ATP9B: variants seen among roughly 807,000 people sequenced by gnomAD.
ATP9B encodes probable phospholipid-transporting ATPase IIB.
In ATP9B, 110 loss-of-function variants were observed where a neutral mutation model predicts 146.1. That is an observed-to-expected ratio of 0.75 (90% CI 0.65 to 0.88). ATP9B has a LOEUF of 0.88. Among genes scored for constraint, ATP9B ranks in the 40% least tolerant of loss-of-function variants. The pLI is 0.00. For missense variants in ATP9B, 1,499 were observed against 1,496.4 expected, an observed-to-expected ratio of 1.00 and a Z score of -0.03; for synonymous variants, 604 against 569.7, an observed-to-expected ratio of 1.06 and a Z score of -0.86.
At chr18:79,258,848 C>T (rs1354085829) in intron 12 of ATP9B, among the ~76,000 whole-genome samples, 3 of 152,124 alleles carry the variant, frequency 2.0e-5, no homozygotes, top group African/African-American at 7.2e-5. Flanking sequence ...GGATGAGAAC[C>T]GTTGATGTCA....
At chr18:79,250,804 C>T (rs371853807) in intron 11 of ATP9B, among the ~76,000 whole-genome samples, 5 of 152,146 alleles carry the variant, frequency 3.3e-5, no homozygotes, top group Admixed American at 6.5e-5. Flanking sequence ...CCCTTTCCGA[C>T]CATTTGTGAT....
chr18:79,185,008 C>G (rs377567428), intron 8 of ATP9B, among the ~76,000 whole-genome samples: 4 of 151,556 alleles, frequency 2.6e-5, no homozygotes, highest in Admixed American at 2.6e-4. Flanking sequence ...AAAAATCCAG[C>G]CAAGCAAGGA....
chr18:79,113,412 A>T, intron 4 of ATP9B, 58 bp downstream of exon 4: 1 of 1,104,920 alleles, frequency 9.1e-7, no homozygotes, highest in South Asian at 1.4e-5. Flanking sequence ...TATAGTTTTA[A>T]GAGTTGAGAT....
In ATP9B at chr18:79,312,637, G is replaced by T. The variant is rs559718991; in HGVS notation, c.1773+5403G>T. 2.6e-5 allele frequency among the ~76,000 whole-genome samples: 4 copies of T among 152,364 alleles called. No homozygotes were observed. In the South Asian group the frequency reaches 8.3e-4, roughly 32 times the overall value. On this transcript the variant is annotated intron_variant, in intron 15 of 29. Coordinates refer to ENST00000426216, the MANE Select transcript of ATP9B (RefSeq NM_198531.5). Reference sequence around the variant, plus strand: ...GTCGCCTGCTGAGCGAACCTTGGCTGTGTGGGAAGATGGTGCGGGGAGCTA... The same window carrying T: ...GTCGCCTGCTGAGCGAACCTTGGCTTTGTGGGAAGATGGTGCGGGGAGCTA...
chr18:79,115,399 T>G (rs1386354003), intron 4 of ATP9B: 2 of 137,604 alleles, frequency 1.5e-5, no homozygotes. Flanking sequence ...ATGACTTTCT[T>G]CACAGAATTG....
At chr18:79,359,279 C>G in intron 25 of ATP9B, 75 bp from the exon 26 acceptor site, 1 of 1,161,378 alleles carries the variant, frequency 8.6e-7, no homozygotes, top group Non-Finnish European at 1.3e-6. Flanking sequence ...GCTGTGACCT[C>G]TAATCCAGAG....
intron 21 of ATP9B, among the ~76,000 whole-genome samples, chr18:79,344,676 A>G (rs752897575): frequency 1.6e-4 from 25 of 152,360 alleles, no homozygotes; most frequent in South Asian, 6.2e-4. Flanking sequence ...GAGCTGGATC[A>G]CAGCGATTGT....
At chr18:79,206,061 C>T (rs1032796481) in intron 9 of ATP9B, among the ~76,000 whole-genome samples, 2 of 152,032 alleles carry the variant, frequency 1.3e-5, no homozygotes, top group African/African-American at 4.8e-5. Flanking sequence ...CTGCCTCAGC[C>T]TCCCAAGCAG....
At chr18:79,195,709 C>G (rs572995332) in intron 9 of ATP9B, among the ~76,000 whole-genome samples, 6 of 152,284 alleles carry the variant, frequency 3.9e-5, no homozygotes, top group East Asian at 3.9e-4. Context: ...CAGGAGAACA[C>G]TGAACGTGAG....
intron 5 of ATP9B, among the ~76,000 whole-genome samples, chr18:79,141,596 T>A (rs2094515156): frequency 6.6e-6 from 1 of 152,236 alleles, no homozygotes; most frequent in African/African-American, 2.4e-5. Flanking sequence ...AGTGCAACTC[T>A]GAGATTATTA....
At chr18:79,236,095 A>G (rs2095838957) in intron 11 of ATP9B, among the ~76,000 whole-genome samples, 2 of 151,970 alleles carry the variant, frequency 1.3e-5, no homozygotes, top group Admixed American at 6.6e-5. Context: ...ACTGGTTTTT[A>G]CTCTTCCCAG....
intron 6 of ATP9B, chr18:79,145,179 C>T (rs573008335): frequency 2.3e-4 from 26 of 111,106 alleles, no homozygotes; most frequent in Admixed American, 1.2e-3. Context: ...TCGGAGCTGG[C>T]GGTGTGCAGA....
At chr18:79,243,352 T>C (rs2095908182) in intron 11 of ATP9B, among the ~76,000 whole-genome samples, 1 of 152,226 alleles carries the variant, frequency 6.6e-6, no homozygotes, top group Admixed American at 6.5e-5. Flanking sequence ...ATACTGATTG[T>C]AGTTCTGATC....
At chr18:79,314,966 CT>C (rs1341533385) in intron 15 of ATP9B, among the ~76,000 whole-genome samples, 1 of 152,226 alleles carries the variant, frequency 6.6e-6, no homozygotes, top group African/African-American at 2.4e-5. Flanking sequence ...CCGCCGGCTT[CT>C]TTTGGTCCAG....
At chr18:79,317,810 TC>T (rs1206231292) in intron 15 of ATP9B, among the ~76,000 whole-genome samples, 12 of 152,302 alleles carry the variant, frequency 7.9e-5, no homozygotes, top group African/African-American at 2.4e-4. Context: ...CACACAGGGC[TC>T]CTTGCAGAAA....
At chr18:79,342,719 G>T in intron 20 of ATP9B, among the ~76,000 whole-genome samples, 1 of 151,854 alleles carries the variant, frequency 6.6e-6, no homozygotes. Context: ...AGTATTTTTT[G>T]CTTATACTAT....
intron 26 of ATP9B, among the ~76,000 whole-genome samples, chr18:79,371,789 G>C (rs1031339334): frequency 6.6e-6 from 1 of 152,220 alleles, no homozygotes; most frequent in African/African-American, 2.4e-5. Flanking sequence ...TCTTTCCTCT[G>C]TGGCTCTTTA....
rs1307268089 is a variant in ATP9B, at chr18:79,122,052, G to T, written c.559-4215G>T. 2.0e-5 allele frequency among the ~76,000 whole-genome samples: 3 copies of T among 152,134 alleles called. No individual in the cohort carries two copies. The East Asian group carries it at 5.8e-4, about 29-fold the overall frequency. On this transcript the variant is annotated intron_variant, in intron 4 of 29. Coordinates refer to ENST00000426216, the MANE Select transcript of ATP9B (RefSeq NM_198531.5). ...GTCACCTGGAGAGTTTAACATATGTGTCTGAGGTCTCTTCCCTGGAAATTA... is the reference window on the plus strand; with the variant it reads ...GTCACCTGGAGAGTTTAACATATGTTTCTGAGGTCTCTTCCCTGGAAATTA...
intron 11 of ATP9B, among the ~76,000 whole-genome samples, chr18:79,215,069 A>G (rs2095614908): frequency 6.7e-6 from 1 of 148,572 alleles, no homozygotes; most frequent in African/African-American, 2.5e-5. Context: ...GATAGCTCAA[A>G]CCCGGGAGGT....
Sources: allele counts gnomAD v4.1 joint callset (sites outside exome capture counted in the v4.1 genomes callset), GRCh38; gene constraint gnomAD v4.1.1; transcripts MANE v1.5; gene names NCBI Gene and HGNC (gene_info 2026-07-23, HGNC 2026-07-21).